ZCCHC2: variants seen among roughly 807,000 people sequenced by gnomAD.
The protein encoded by ZCCHC2 is zinc finger CCHC-type containing 2.
Under a neutral mutation model 103.6 loss-of-function variants are expected in ZCCHC2, and 39 were observed. That is an observed-to-expected ratio of 0.38 (90% CI 0.29 to 0.49). The LOEUF (loss-of-function observed/expected upper bound fraction) is 0.49. ZCCHC2 is among the 20% of genes least tolerant of loss of function. The pLI, the probability that ZCCHC2 is intolerant of heterozygous loss-of-function variation, is 0.96. For synonymous variants in ZCCHC2, 687 were observed against 608.9 expected, an observed-to-expected ratio of 1.13 and a Z score of -1.89; for missense variants, 1,483 against 1,491.0, an observed-to-expected ratio of 0.99 and a Z score of 0.09.
At chr18:62,542,841 A>G (rs2145498641) in intron 3 of ZCCHC2, among the ~76,000 whole-genome samples, 2 of 152,294 alleles carry the variant, frequency 1.3e-5, no homozygotes, top group Middle Eastern at 3.4e-3. Context: ...TACATCTTTA[A>G]AAATGCCATT....
intron 12 of ZCCHC2, among the ~76,000 whole-genome samples, chr18:62,573,277 A>C (rs533567420): frequency 2.7e-4 from 41 of 152,330 alleles, no homozygotes; most frequent in African/African-American, 8.2e-4. Flanking sequence ...AAACATTGTG[A>C]ATCAGATTTT....
Position 62,576,630 on chromosome 18 carries a change from G to A in ZCCHC2, c.*51G>A. 6.5e-7 allele frequency: 1 copy of A among 1,546,616 alleles called. No homozygotes were observed. Among genetic ancestry groups the A allele is most frequent in the Admixed American group, 1.7e-5 (1 of 57,874 alleles). On this transcript the variant is annotated 3_prime_UTR_variant, in exon 14 of 14. Coordinates refer to ENST00000269499, the MANE Select transcript of ZCCHC2 (RefSeq NM_017742.6). The stretch of plus-strand genomic sequence containing the variant: ...ACACTCAAGTGTGGGGAGTCATGGG[G>A]TGTGGAGGGGAGGAAAGGAAAGGTA...
chr18:62,539,007 A>G (rs1915058154), intron 1 of ZCCHC2, among the ~76,000 whole-genome samples: 1 of 136,182 alleles, frequency 7.3e-6, no homozygotes, highest in African/African-American at 2.7e-5. Flanking sequence ...ACTTAATATG[A>G]TGTTGTAACA....
intron 4 of ZCCHC2, among the ~76,000 whole-genome samples, chr18:62,546,935 C>G (rs997353017): frequency 6.6e-6 from 1 of 152,172 alleles, no homozygotes; most frequent in Non-Finnish European, 1.5e-5. Context: ...TAATCTGCAA[C>G]GTGTACTTCT....
chr18:62,565,468 A>AT (rs1456023665), intron 11 of ZCCHC2, among the ~76,000 whole-genome samples: 1 of 152,110 alleles, frequency 6.6e-6, no homozygotes, highest in Non-Finnish European at 1.5e-5. Context: ...TGTGTAAAGT[A>AT]TTTTTTAGAA....
intron 11 of ZCCHC2, among the ~76,000 whole-genome samples, chr18:62,566,499 C>T (rs1462923406): frequency 6.6e-6 from 1 of 152,154 alleles, no homozygotes; most frequent in Non-Finnish European, 1.5e-5. Flanking sequence ...TGTCTCTGTT[C>T]CTTCTCTTTC....
Position 62,558,714 on chromosome 18 carries a change from C to CT in ZCCHC2, c.1437dup (p.Lys480Ter). The stretch of plus-strand genomic sequence containing the variant: ...AACTTACAATCCTCTCTGAAGACTT[C>CT]TAAGATATTAGAACACTTAAAAGAA... On this transcript the variant is annotated frameshift_variant, in exon 7 of 14. Coordinates refer to ENST00000269499, the MANE Select transcript of ZCCHC2 (RefSeq NM_017742.6). LOFTEE classifies it high-confidence loss of function. 6.5e-7 allele frequency: 1 copy of CT among 1,546,500 alleles called. No individual in the cohort carries two copies. The highest frequency in any genetic ancestry group is 8.7e-7 in the Non-Finnish European group (1 of 1,144,914).
In ZCCHC2 at chr18:62,544,717, G is replaced by C. The variant is rs1490115900; in HGVS notation, c.1129-85G>C. The C allele has an allele frequency of 3.9e-6, 4 of 1,036,598 alleles. No homozygotes were observed. The East Asian group carries it at 8.5e-5, about 22-fold the overall frequency. 64.2% of individuals were successfully genotyped at this position (1,036,598 alleles called of 1,614,324 possible). ...TTAATCTTAGTAAAATTTAAGTAAGGCCCTTTGTTTTTGCACATGGCTTTT... is the reference window on the plus strand; with the variant it reads ...TTAATCTTAGTAAAATTTAAGTAAGCCCCTTTGTTTTTGCACATGGCTTTT... On this transcript the variant is annotated intron_variant, in intron 3 of 13. Coordinates refer to ENST00000269499, the MANE Select transcript of ZCCHC2 (RefSeq NM_017742.6).
Position 62,574,318 on chromosome 18 carries a change from A to C in ZCCHC2, c.2237A>C (p.Lys746Thr). Residue 746 changes from lysine to threonine, a missense_variant, in exon 13 of 14, where the codon AAA becomes ACA. Physicochemically the swap from Lys to Thr is moderately conservative, Grantham distance 78. Coordinates refer to ENST00000269499, the MANE Select transcript of ZCCHC2 (RefSeq NM_017742.6). Reference sequence around the variant, plus strand: ...CCTGCACCCAAACCCGCTGATGGCAAAACCATAGGGATGCTTGTTCCTAGT... The same window carrying C: ...CCTGCACCCAAACCCGCTGATGGCACAACCATAGGGATGCTTGTTCCTAGT... The part of the protein sequence containing the change: ...VVPAPKPADG[K>T]TIGMLVPSPV... 1 of 1,614,066 alleles carries C rather than the reference A, an allele frequency of 6.2e-7. No individual in the cohort carries two copies. Among genetic ancestry groups the C allele is most frequent in the East Asian group, 2.2e-5 (1 of 44,894 alleles).
chr18:62,538,227 C>T (rs1915011388), intron 1 of ZCCHC2, among the ~76,000 whole-genome samples: 1 of 138,276 alleles, frequency 7.2e-6, no homozygotes, highest in African/African-American at 2.8e-5. Flanking sequence ...TGCCGGTGTA[C>T]TTCAGTCTGG....
At chr18:62,549,896 G>A (rs1200962008) in intron 4 of ZCCHC2, among the ~76,000 whole-genome samples, 2 of 152,180 alleles carry the variant, frequency 1.3e-5, no homozygotes, top group Non-Finnish European at 2.9e-5. Flanking sequence ...AGAGTAAAAC[G>A]TAAAACAGGA....
chr18:62,549,588 T>C (rs1915577064), intron 4 of ZCCHC2, among the ~76,000 whole-genome samples: 1 of 152,234 alleles, frequency 6.6e-6, no homozygotes, highest in Non-Finnish European at 1.5e-5. Context: ...AGATTAGTTA[T>C]CAAAAGTCAA....
exon 15 of ZCCHC2, chr18:62,586,131 G>A (rs1337022342): frequency 3.4e-5 from 5 of 148,176 alleles, no homozygotes; most frequent in South Asian, 2.1e-4. Flanking sequence ...TGAAAGCTAC[G>A]TGAATCGTTG....
At chr18:62,535,150 A>T (rs1914866172) in intron 1 of ZCCHC2, among the ~76,000 whole-genome samples, 1 of 152,144 alleles carries the variant, frequency 6.6e-6, no homozygotes, top group Admixed American at 6.5e-5. Context: ...GCAGAGTCAG[A>T]TGTGGGCTGG....
At chr18:62,571,757 C>G (rs527841154) in intron 12 of ZCCHC2, among the ~76,000 whole-genome samples, 2 of 152,214 alleles carry the variant, frequency 1.3e-5, no homozygotes, top group Non-Finnish European at 2.9e-5. Flanking sequence ...AGATCCTTAC[C>G]ACATATTGTT....
In ZCCHC2 at chr18:62,528,599, G is replaced by GAAA. The variant is rs11409827; in HGVS notation, c.939+4248_939+4250dup. ...GGGCGACAGAGTGAGACTGTCTCGG[G>GAAA]AAAAAAAAAAAAAACCTTGTTACTT... On this transcript the variant is annotated intron_variant, in intron 1 of 13. Coordinates refer to ENST00000269499, the MANE Select transcript of ZCCHC2 (RefSeq NM_017742.6). Among the ~76,000 whole-genome samples the GAAA allele has an allele frequency of 8.0e-3, 1,156 of 144,870 alleles. 18 individuals are homozygous for GAAA. Among genetic ancestry groups the GAAA allele is most frequent in the African/African-American group, 0.027 (1,044 of 38,776 alleles).
rs1916901245 is a variant in ZCCHC2 at position 62,577,603 on chromosome 18, T to A, written c.*1024T>A. The A allele has an allele frequency of 6.6e-6, 1 of 152,668 alleles. No individual in the cohort carries two copies. Among genetic ancestry groups the A allele is most frequent in the South Asian group, 2.1e-4 (1 of 4,832 alleles). 9.5% of individuals were successfully genotyped at this position (152,668 alleles called of 1,614,324 possible). ...GGTTTCTACCATAAGTCAGGTTGTT[T>A]GTTCCCTAACCTGTCTCTCATAGCA... On this transcript the variant is annotated 3_prime_UTR_variant, in exon 14 of 14. Coordinates refer to ENST00000269499, the MANE Select transcript of ZCCHC2 (RefSeq NM_017742.6).
chr18:62,563,132 C>T lies in ZCCHC2; in HGVS notation c.1674C>T (p.Thr558=). 1.9e-6 allele frequency: 3 copies of T among 1,613,002 alleles called. No homozygotes were observed. Among genetic ancestry groups the T allele is most frequent in the Non-Finnish European group, 2.5e-6 (3 of 1,179,170 alleles). The change falls in exon 9 of 14, where the codon ACC becomes ACT. Residue 558 remains threonine, a synonymous_variant. Transcript: ENST00000269499. ...TTCAACACCCAGAGCACTGTGTGAC[C>T]TCGGCTGACCAGGTGTGTGGGGAGT... is the stretch of plus-strand genomic sequence containing the variant. The part of the protein sequence containing the change: ...TTIQHPEHCV[T]SADQHSAEKR...
Position 62,575,031 on chromosome 18 carries a change from G to A in ZCCHC2, c.2950G>A (p.Asp984Asn). The A allele has an allele frequency of 6.2e-7, 1 of 1,613,984 alleles. No individual in the cohort carries two copies. ...PALTHSTAQSDSTSYISAVGN... is the reference protein window; with the variant it reads ...PALTHSTAQSNSTSYISAVGN... ...CTTGACACACAGTACCGCGCAGAGT[G>A]ACAGCACCTCTTACATCAGTGCTGT... The change falls in exon 13 of 14, where the codon GAC (aspartate) becomes AAC (asparagine). Residue 984 changes from aspartate to asparagine, a missense_variant. Physicochemically the swap from Asp to Asn is conservative, Grantham distance 23. Around this residue, in one of 3 missense-constraint regions of ZCCHC2, gnomAD observed 884 missense variants for 907.5 expected, o/e 0.97. Coordinates refer to ENST00000269499, the MANE Select transcript of ZCCHC2 (RefSeq NM_017742.6).
Sources: allele counts gnomAD v4.1 joint callset (sites outside exome capture counted in the v4.1 genomes callset), GRCh38; gene constraint gnomAD v4.1.1; regional missense constraint gnomAD v4.1.1; transcripts MANE v1.5; gene names NCBI Gene and HGNC (gene_info 2026-07-23, HGNC 2026-07-21).